The following LRMDA variants were observed in gnomAD, a reference collection of about 807,000 sequenced individuals.
LRMDA encodes leucine rich melanocyte differentiation associated, also known as leucine-rich melanocyte differentiation-associated protein.
In LRMDA, 18 loss-of-function variants were observed where a neutral mutation model predicts 29.8. That is an observed-to-expected ratio of 0.60 (90% CI 0.42 to 0.90). LRMDA has a LOEUF of 0.90. Ranked by LOEUF, LRMDA falls within the 40% of genes least tolerant of loss-of-function variation. LRMDA has a pLI of 0.00. For missense variants in LRMDA, 273 were observed against 273.9 expected (o/e 1.00, Z 0.02); for synonymous variants, 125 against 109.4 (o/e 1.14, Z -0.89).
At chr10:75,707,433 A>G (rs1842382732) in intron 2 of LRMDA, among the ~76,000 whole-genome samples, 1 of 152,220 alleles carries the variant, frequency 6.6e-6, no homozygotes, top group South Asian at 2.1e-4. Flanking sequence ...GACCGATCCA[A>G]GGTCATAACA....
intron 6 of LRMDA, among the ~76,000 whole-genome samples, chr10:76,475,757 G>A (rs1387718365): frequency 2.0e-5 from 3 of 151,986 alleles, no homozygotes; most frequent in South Asian, 2.1e-4. Context: ...ACTCAAAACC[G>A]CTCAACTACA....
At position 76,110,565 on chromosome 10, in the gene LRMDA, CAT is replaced by C. The variant is rs538496812; in HGVS notation, c.516+51783_516+51784del. Among the ~76,000 whole-genome samples the C allele has an allele frequency of 5.6e-3, 855 of 152,270 alleles. 6 individuals are homozygous for C. The highest frequency in any genetic ancestry group is 0.014 in the Middle Eastern group (4 of 294). On this transcript the variant is annotated intron_variant, in intron 5 of 6. Transcript: ENST00000611255. ...TGAATTGTATCTCTCAGAATTCCCA[CAT>C]GTTATGGGAGGGACCCACGGGGAGG...
chr10:76,187,508 T>G (rs11001676), intron 5 of LRMDA, among the ~76,000 whole-genome samples: 1 of 152,144 alleles, frequency 6.6e-6, no homozygotes, highest in Non-Finnish European at 1.5e-5. Context: ...CTGTGTAGCT[T>G]CAAGCACAAC....
chr10:75,442,790 T>A (rs1247295750), intron 2 of LRMDA, among the ~76,000 whole-genome samples: 1 of 152,094 alleles, frequency 6.6e-6, no homozygotes, highest in Non-Finnish European at 1.5e-5. Context: ...AAAATGCCAT[T>A]GGAATTTTGA....
intron 6 of LRMDA, among the ~76,000 whole-genome samples, chr10:76,538,498 A>G (rs960818821): frequency 2.0e-5 from 3 of 147,534 alleles, no homozygotes; most frequent in African/African-American, 7.4e-5. Flanking sequence ...ATAGTTATAT[A>G]TGTATATATA....
chr10:75,868,917 G>C (rs1845064288), intron 2 of LRMDA, among the ~76,000 whole-genome samples: 1 of 152,148 alleles, frequency 6.6e-6, no homozygotes, highest in Admixed American at 6.5e-5. Context: ...ACACCTTATA[G>C]AAAGGACATC....
intron 2 of LRMDA, among the ~76,000 whole-genome samples, chr10:75,659,870 A>G (rs948535207): frequency 6.6e-6 from 1 of 152,026 alleles, no homozygotes; most frequent in Admixed American, 6.5e-5. Flanking sequence ...CTTTTCAACA[A>G]AGAGGGAGAA....
chr10:75,741,868 C>A (rs1447748531), intron 2 of LRMDA, among the ~76,000 whole-genome samples: 1 of 152,004 alleles, frequency 6.6e-6, no homozygotes, highest in Non-Finnish European at 1.5e-5. Context: ...GGAGGTGGGG[C>A]CTTTGGGGGG....
chr10:76,046,408 C>T (rs73281528), intron 3 of LRMDA, among the ~76,000 whole-genome samples: 41 of 152,288 alleles, frequency 2.7e-4, no homozygotes, highest in African/African-American at 9.4e-4. Flanking sequence ...TTTTCTCTTT[C>T]ATTCTCTAAT....
At chr10:76,109,202 GGT>G (rs1564654955) in intron 5 of LRMDA, among the ~76,000 whole-genome samples, 1 of 152,108 alleles carries the variant, frequency 6.6e-6, no homozygotes, top group Non-Finnish European at 1.5e-5. Flanking sequence ...CTTCCAAAGT[GGT>G]GAGCACTTTG....
intron 2 of LRMDA, among the ~76,000 whole-genome samples, chr10:75,700,437 C>CTTTTT (rs1156446140): frequency 7.4e-6 from 1 of 135,706 alleles, no homozygotes. Context: ...CTTTCTCATT[C>CTTTTT]TTTTTTTTTT....
intron 2 of LRMDA, among the ~76,000 whole-genome samples, chr10:75,627,684 A>G (rs1240271332): frequency 6.6e-6 from 1 of 152,190 alleles, no homozygotes; most frequent in East Asian, 1.9e-4. Flanking sequence ...GGATCTCACT[A>G]CCAACAGAAA....
intron 2 of LRMDA, among the ~76,000 whole-genome samples, chr10:76,007,442 A>T (rs1198924279): frequency 6.6e-6 from 1 of 152,106 alleles, no homozygotes; most frequent in Non-Finnish European, 1.5e-5. Flanking sequence ...CCCCCCAACC[A>T]TAATTGATCT....
chr10:75,700,199 T>C (rs1172096004), intron 2 of LRMDA, among the ~76,000 whole-genome samples: 1 of 151,982 alleles, frequency 6.6e-6, no homozygotes, highest in Non-Finnish European at 1.5e-5. Context: ...TTTTGAGCTA[T>C]GATTCATTTA....
chr10:75,619,310 A>G (rs1018503531), intron 2 of LRMDA, among the ~76,000 whole-genome samples: 1 of 152,032 alleles, frequency 6.6e-6, no homozygotes, highest in Non-Finnish European at 1.5e-5. Flanking sequence ...TATACCCCCT[A>G]TCCTGTTGTC....
intron 2 of LRMDA, among the ~76,000 whole-genome samples, chr10:75,465,565 G>C (rs547390471): frequency 6.6e-6 from 1 of 152,174 alleles, no homozygotes; most frequent in East Asian, 1.9e-4. Context: ...TTAGAAACAT[G>C]TCGGTGGTAA....
At chr10:75,779,158 T>C (rs1209984896) in intron 2 of LRMDA, among the ~76,000 whole-genome samples, 1 of 152,218 alleles carries the variant, frequency 6.6e-6, no homozygotes, top group Admixed American at 6.5e-5. Context: ...AGCATGACTC[T>C]AAAATCTTGT....
chr10:75,735,104 T>C (rs886577763), intron 2 of LRMDA, among the ~76,000 whole-genome samples: 3 of 152,192 alleles, frequency 2.0e-5, no homozygotes, highest in Non-Finnish European at 4.4e-5. Context: ...CACTAGTGTA[T>C]CCCAAGTACC....
intron 2 of LRMDA, among the ~76,000 whole-genome samples, chr10:75,866,098 C>T (rs76376828): frequency 0.08 from 12,107 of 152,130 alleles, 965 homozygotes; most frequent in East Asian, 0.31. Context: ...CAATTTTTTC[C>T]CCTCCTCATC....
Sources: gnomAD v4.1 joint callset for allele counts (sites outside exome capture counted in the v4.1 genomes callset) on GRCh38, gnomAD v4.1.1 for gene constraint, MANE v1.5 for transcripts, NCBI Gene and HGNC (gene_info 2026-07-23, HGNC 2026-07-21) for gene names.